ZEB1: variants seen among roughly 807,000 people sequenced by gnomAD.
ZEB1 encodes the protein zinc finger E-box-binding homeobox 1.
Under a neutral mutation model 84.9 loss-of-function variants are expected in ZEB1, and 21 were observed. The ratio of observed to expected loss-of-function variants is 0.25; its 90% CI spans 0.18 to 0.36. ZEB1 has a LOEUF of 0.36. Among genes scored for constraint, ZEB1 ranks in the 10% least tolerant of loss-of-function variants. The pLI is 1.00. For missense variants in ZEB1, 1,104 were observed against 1,330.2 expected (o/e 0.83, Z 2.65); for synonymous variants, 420 against 471.1 (o/e 0.89, Z 1.41).
At chr10:31,428,464 GT>G (rs1564822493) in intron 1 of ZEB1, among the ~76,000 whole-genome samples, 1 of 152,186 alleles carries the variant, frequency 6.6e-6, no homozygotes, top group Non-Finnish European at 1.5e-5. Flanking sequence ...GCTGAGGAGG[GT>G]TTTACTTCCA....
chr10:31,388,185 T>C (rs943870665), intron 1 of ZEB1, among the ~76,000 whole-genome samples: 2 of 152,176 alleles, frequency 1.3e-5, no homozygotes, highest in Non-Finnish European at 2.9e-5. Flanking sequence ...ATACTTTGAA[T>C]AACAAGAGAC....
intron 1 of ZEB1, among the ~76,000 whole-genome samples, chr10:31,365,201 A>G (rs1180890893): frequency 6.6e-6 from 1 of 152,246 alleles, no homozygotes; most frequent in African/African-American, 2.4e-5. Flanking sequence ...GATTATTTAC[A>G]AGTTCATAGT....
intron 1 of ZEB1, among the ~76,000 whole-genome samples, chr10:31,446,906 A>T (rs1174942215): frequency 6.6e-6 from 1 of 151,964 alleles, no homozygotes; most frequent in African/African-American, 2.4e-5. Context: ...TGGGGTGGAG[A>T]GTTCTGTAGA....
chr10:31,356,872 C>A lies in ZEB1; in HGVS notation c.58+37580C>A, dbSNP rs1454860422. ...GATGGTGATCATGGGAGTATTCAGG[C>A]TGATTGTTACCCAATATTTCAGTTT... is the stretch of plus-strand genomic sequence containing the variant. On this transcript the variant is annotated intron_variant, in intron 1 of 8. Coordinates refer to ENST00000424869, the MANE Select transcript of ZEB1 (RefSeq NM_001174096.2). Among the ~76,000 whole-genome samples, 19 of 152,222 alleles carry A rather than the reference C, an allele frequency of 1.2e-4. No individual in the cohort carries two copies. In the East Asian group the frequency reaches 2.9e-3, roughly 23 times the overall value.
At chr10:31,483,009 G>T (rs2065253359) in intron 2 of ZEB1, among the ~76,000 whole-genome samples, 1 of 151,916 alleles carries the variant, frequency 6.6e-6, no homozygotes, top group Non-Finnish European at 1.5e-5. Context: ...TTTCAGACCT[G>T]GTCGCGATAC....
intron 1 of ZEB1, among the ~76,000 whole-genome samples, chr10:31,421,489 C>T (rs768622677): frequency 3.9e-5 from 6 of 152,080 alleles, no homozygotes; most frequent in Non-Finnish European, 7.4e-5. Flanking sequence ...GGCTGTCAGG[C>T]GTCTGCTGCT....
rs766448433 is a variant in ZEB1, at chr10:31,517,757, CAAT to C, written c.794-2362_794-2360del. On this transcript the variant is annotated intron_variant, in intron 6 of 8. Transcript: ENST00000424869. ...GATAAAATATCAAGATAATTTTTAA[CAAT>C]AATAATGATAACTAGCACTTATTGG... Among the ~76,000 whole-genome samples, 152 of 152,190 alleles carry C rather than the reference CAAT, an allele frequency of 1.0e-3. 2 individuals are homozygous for C. Among genetic ancestry groups the C allele is most frequent in the Middle Eastern group, 6.8e-3 (2 of 294 alleles).
At chr10:31,325,244 C>T (rs1474519958) in intron 1 of ZEB1, among the ~76,000 whole-genome samples, 1 of 151,828 alleles carries the variant, frequency 6.6e-6, no homozygotes, top group Non-Finnish European at 1.5e-5. Context: ...TTTGTTAAAG[C>T]ATATTTTTGG....
intron 1 of ZEB1, among the ~76,000 whole-genome samples, chr10:31,359,186 C>G (rs1005026016): frequency 1.3e-5 from 2 of 152,132 alleles, no homozygotes; most frequent in African/African-American, 2.4e-5. Context: ...TGTTTTGGCA[C>G]TTCTGCTGTA....
intron 1 of ZEB1, among the ~76,000 whole-genome samples, chr10:31,355,538 C>T (rs1410059458): frequency 6.6e-6 from 1 of 152,034 alleles, no homozygotes; most frequent in Non-Finnish European, 1.5e-5. Context: ...AAGAATATAA[C>T]AGGCGGACTT....
rs1218606325 is a variant in ZEB1 at position 31,387,683 on chromosome 10, AT to A, written c.58+68392del. 3.3e-6 allele frequency: 3 copies of A among 897,064 alleles called. No individual in the cohort carries two copies. In the African/African-American group the frequency reaches 5.4e-5, roughly 16 times the overall value. 55.6% of individuals were successfully genotyped at this position (897,064 alleles called of 1,614,324 possible). On this transcript the variant is annotated intron_variant, in intron 1 of 8. Coordinates refer to ENST00000424869, the MANE Select transcript of ZEB1 (RefSeq NM_001174096.2). The stretch of plus-strand genomic sequence containing the variant: ...AGCCAGCTGTGAAGAATTACTTTTC[AT>A]GATCTTTTTGAAGCTGTATCTTATC...
At chr10:31,452,563 A>T (rs781660475) in intron 1 of ZEB1, among the ~76,000 whole-genome samples, 1 of 152,088 alleles carries the variant, frequency 6.6e-6, no homozygotes, top group Non-Finnish European at 1.5e-5. Flanking sequence ...ATTTTCCTGA[A>T]TTGTTGCTAA....
At chr10:31,378,418 T>C (rs1012850808) in intron 1 of ZEB1, among the ~76,000 whole-genome samples, 2 of 151,776 alleles carry the variant, frequency 1.3e-5, no homozygotes, top group African/African-American at 4.8e-5. Flanking sequence ...AGAGTTAAAA[T>C]AGATGCCCTT....
chr10:31,330,981 A>G lies in ZEB1; in HGVS notation c.58+11689A>G, dbSNP rs137977042. Among the ~76,000 whole-genome samples, 977 of 151,690 alleles carry G rather than the reference A, an allele frequency of 6.4e-3. 3 individuals carry two copies. Among genetic ancestry groups the G allele is most frequent in the Non-Finnish European group, 0.011 (769 of 67,936 alleles). ...TCTTGAACGTTCTGTATATTAATGC[A>G]TAATTCCTTCTGAGCTGGTATCCTT... On this transcript the variant is annotated intron_variant, in intron 1 of 8. Transcript: ENST00000424869.
At chr10:31,459,830 AGTGTGTGTGTGTGT>A (rs3086581) in intron 1 of ZEB1, among the ~76,000 whole-genome samples, 2,106 of 129,884 alleles carry the variant, frequency 0.016, 32 homozygotes, top group African/African-American at 0.039. Context: ...TGTTCTCAGG[AGTGTGTGTGTGTGT>A]GTGTGTGTGT....
At chr10:31,508,690 G>A (rs557969339) in intron 4 of ZEB1, among the ~76,000 whole-genome samples, 1 of 152,176 alleles carries the variant, frequency 6.6e-6, no homozygotes, top group South Asian at 2.1e-4. Context: ...ATCATGGCAG[G>A]GGCAGGATGA....
intron 1 of ZEB1, among the ~76,000 whole-genome samples, chr10:31,352,036 A>G (rs569963210): frequency 4.6e-5 from 7 of 152,330 alleles, no homozygotes; most frequent in Non-Finnish European, 8.8e-5. Flanking sequence ...AGGCTATATA[A>G]TACATGTAAA....
intron 1 of ZEB1, among the ~76,000 whole-genome samples, chr10:31,397,048 C>T (rs910273683): frequency 2.0e-5 from 3 of 147,746 alleles, no homozygotes; most frequent in Non-Finnish European, 4.5e-5. Flanking sequence ...TGGAGTCTCG[C>T]TCTGTCACCC....
At chr10:31,440,062 A>G (rs1020763682) in intron 1 of ZEB1, among the ~76,000 whole-genome samples, 1 of 152,182 alleles carries the variant, frequency 6.6e-6, no homozygotes, top group Non-Finnish European at 1.5e-5. Context: ...GTGGCAGGGA[A>G]TTGGTAGTGG....
Sources: allele counts gnomAD v4.1 joint callset (sites outside exome capture counted in the v4.1 genomes callset), GRCh38; gene constraint gnomAD v4.1.1; transcripts MANE v1.5; gene names NCBI Gene and HGNC (gene_info 2026-07-23, HGNC 2026-07-21).